Variants in LNX1 observed in about 807,000 individuals in gnomAD.
LNX1 encodes the protein E3 ubiquitin-protein ligase LNX.
In LNX1, 54 loss-of-function variants were observed where a neutral mutation model predicts 68.4. The observed-to-expected ratio is 0.79, with a 90% CI of 0.63 to 0.99. The LOEUF is 0.99. Ranked by LOEUF, LNX1 falls within the 50% of genes least tolerant of loss-of-function variation. The pLI is 0.00. For missense variants in LNX1, 906 were observed against 926.4 expected, an observed-to-expected ratio of 0.98 and a Z score of 0.29; for synonymous variants, 336 against 350.0, an observed-to-expected ratio of 0.96 and a Z score of 0.45.
chr4:53,629,087 C>A (rs985859675), intron 1 of LNX1, among the ~76,000 whole-genome samples: 4 of 152,154 alleles, frequency 2.6e-5, no homozygotes, highest in Non-Finnish European at 5.9e-5. Context: ...CATAATTAAT[C>A]CATGTAACCA....
chr4:53,534,152 G>A (rs1348794021), intron 2 of LNX1, among the ~76,000 whole-genome samples: 1 of 152,244 alleles, frequency 6.6e-6, no homozygotes, highest in Non-Finnish European at 1.5e-5. Context: ...TTACCCCATG[G>A]AGAAGGGGGC....
At chr4:53,620,555 CA>C (rs2109859219), upstream of LNX1, among the ~76,000 whole-genome samples, 1 of 152,286 alleles carries the variant, frequency 6.6e-6, no homozygotes, top group South Asian at 2.1e-4. Context: ...AACTAAAAGA[CA>C]TGACTGAAGA....
chr4:53,548,019 C>T (rs1178274009), intron 2 of LNX1, among the ~76,000 whole-genome samples: 1 of 151,550 alleles, frequency 6.6e-6, no homozygotes, highest in African/African-American at 2.4e-5. Context: ...CCTCCAGTTC[C>T]AATCTTGGTG....
chr4:53,481,884 T>C (rs201685096), intron 6 of LNX1, 30 bp from the exon 7 acceptor site: 859 of 1,535,864 alleles, frequency 5.6e-4, no homozygotes, highest in Non-Finnish European at 7.3e-4. Flanking sequence ...CATTAGCCAC[T>C]GTCAGTTTCC....
rs1188415934 is a variant in LNX1 at position 53,508,153 on chromosome 4, C to T, written c.455G>A (p.Cys152Tyr). The T allele has an allele frequency of 1.2e-6, 2 of 1,614,028 alleles. No individual in the cohort carries two copies. Among genetic ancestry groups the T allele is most frequent in the Non-Finnish European group, 1.7e-6 (2 of 1,180,030 alleles). Reference protein sequence around the residue: ...RRSQDGCPDGCASLTATAPSP... With the variant: ...RRSQDGCPDGYASLTATAPSP... ...GGGAGCCGTGGCTGTGAGGCTCGCA[C>T]AGCCGTCTGGACAGCCATCTTGTGA... Residue 152 changes from cysteine to tyrosine, a missense_variant, in exon 3 of 11, where the codon TGT becomes TAT. By Grantham distance (194) the Cys-to-Tyr change is radical. Coordinates refer to ENST00000263925, the MANE Select transcript of LNX1 (RefSeq NM_001126328.3).
Position 53,555,156 on chromosome 4 carries a change from G to C in LNX1, c.380+18467C>G, listed in dbSNP as rs1041556155. ...CCTGCTTTTGGGATCCTATGGCCCA[G>C]AGTAGGGAAGAGAAGGCCTCCATCT... On this transcript the variant is annotated intron_variant, in intron 2 of 10. Transcript: ENST00000263925. Among the ~76,000 whole-genome samples, 3 of 152,168 alleles carry C rather than the reference G, an allele frequency of 2.0e-5. No homozygotes were observed. The East Asian group carries it at 5.8e-4, about 29-fold the overall frequency.
Position 53,459,807 on chromosome 4 carries a change from C to CTCTT in LNX1, c.*1096_*1099dup. 6.6e-6 allele frequency: 2 copies of CTCTT among 305,086 alleles called. No individual in the cohort carries two copies. Among genetic ancestry groups the CTCTT allele is most frequent in the Non-Finnish European group, 6.2e-6 (1 of 162,574 alleles). The allele number at this position is 305,086 out of a possible 1,614,324, so 18.9% of individuals were successfully genotyped here. On this transcript the variant is annotated 3_prime_UTR_variant, in exon 11 of 11. Transcript: ENST00000263925. Reference sequence around the variant, plus strand: ...GTTTTTTTGTTAATCAAACACCACTCTCTTAAGAGGCTGCATCACAAAAGG... The same window carrying CTCTT: ...GTTTTTTTGTTAATCAAACACCACTCTCTTTCTTAAGAGGCTGCATCACAAAAGG...
At chr4:53,540,413 T>G (rs1301407660) in intron 2 of LNX1, among the ~76,000 whole-genome samples, 1 of 151,054 alleles carries the variant, frequency 6.6e-6, no homozygotes, top group Non-Finnish European at 1.5e-5. Context: ...AGGCTTTACT[T>G]GAGTGTGCTC....
At chr4:53,561,837 T>G (rs1730310281) in intron 2 of LNX1, among the ~76,000 whole-genome samples, 1 of 152,112 alleles carries the variant, frequency 6.6e-6, no homozygotes, top group Non-Finnish European at 1.5e-5. Flanking sequence ...TCTTCCATTT[T>G]TAGAAAATAA....
At chr4:53,548,565 C>T (rs535749574) in intron 2 of LNX1, among the ~76,000 whole-genome samples, 1 of 152,272 alleles carries the variant, frequency 6.6e-6, no homozygotes, top group Middle Eastern at 3.4e-3. Flanking sequence ...AATACTTATA[C>T]ACTGTTGGCA....
intron 4 of LNX1, among the ~76,000 whole-genome samples, chr4:53,503,263 G>A (rs1725634611): frequency 6.6e-6 from 1 of 152,170 alleles, no homozygotes; most frequent in Non-Finnish European, 1.5e-5. Context: ...ATGTAGAAGG[G>A]TGAATCCTTT....
chr4:53,476,256 C>G (rs1252983255), intron 9 of LNX1, among the ~76,000 whole-genome samples: 1 of 152,114 alleles, frequency 6.6e-6, no homozygotes, highest in African/African-American at 2.4e-5. Context: ...CGAGATTGCA[C>G]CACTGCACTC....
At chr4:53,525,401 G>C (rs569063880) in intron 2 of LNX1, among the ~76,000 whole-genome samples, 2 of 152,294 alleles carry the variant, frequency 1.3e-5, no homozygotes, top group South Asian at 4.1e-4. Context: ...AGAATCGCTT[G>C]AACCTGGGAA....
intron 1 of LNX1, among the ~76,000 whole-genome samples, chr4:53,626,599 G>A (rs1409026654): frequency 6.6e-6 from 1 of 152,122 alleles, no homozygotes; most frequent in African/African-American, 2.4e-5. Context: ...GGCATCAGAA[G>A]CCTTATGAAT....
At chr4:53,537,679 G>A (rs1728470659) in intron 2 of LNX1, among the ~76,000 whole-genome samples, 1 of 152,182 alleles carries the variant, frequency 6.6e-6, no homozygotes, top group Non-Finnish European at 1.5e-5. Flanking sequence ...CAGGTGGATG[G>A]CCCCGGGCAC....
At chr4:53,544,350 T>G (rs1353995101) in intron 2 of LNX1, among the ~76,000 whole-genome samples, 2 of 152,130 alleles carry the variant, frequency 1.3e-5, no homozygotes, top group African/African-American at 4.8e-5. Flanking sequence ...CATGCCACCA[T>G]GCCTGGCTAA....
At chr4:53,532,579 C>T (rs1728093313) in intron 2 of LNX1, among the ~76,000 whole-genome samples, 1 of 152,198 alleles carries the variant, frequency 6.6e-6, no homozygotes, top group East Asian at 1.9e-4. Context: ...TGGAGCAGCT[C>T]ATCCACAGCA....
chr4:53,573,836 C>T lies in LNX1; in HGVS notation c.167G>A (p.Cys56Tyr). 6.2e-7 allele frequency: 1 copy of T among 1,613,670 alleles called. No homozygotes were observed. The highest frequency in any genetic ancestry group is 8.5e-7 in the Non-Finnish European group (1 of 1,179,782). The change falls in exon 2 of 11, where the codon TGT becomes TAT. Residue 56 changes from cysteine to tyrosine, a missense_variant. By Grantham distance (194) the Cys-to-Tyr change is radical. Transcript: ENST00000263925. ...QALLDPLDTP[C>Y]GHTYCTLCLT... ...GCAGAGGGTGCAGTAGGTGTGTCCA[C>T]ACGGAGTGTCCAGGGGGTCCAGCAA...
At chr4:53,504,964 G>C (rs1350639653) in intron 4 of LNX1, among the ~76,000 whole-genome samples, 10 of 152,156 alleles carry the variant, frequency 6.6e-5, no homozygotes. Context: ...AAAAGTTTGA[G>C]ATGCTGCAAG....
Sources: gnomAD v4.1 joint callset for allele counts (sites outside exome capture counted in the v4.1 genomes callset) on GRCh38, gnomAD v4.1.1 for gene constraint, MANE v1.5 for transcripts, NCBI Gene and HGNC (gene_info 2026-07-23, HGNC 2026-07-21) for gene names.